Variants in DNAH7 observed in about 807,000 individuals in gnomAD.
DNAH7 encodes axonemal beta dynein heavy chain 7.
DNAH7 carries 397 observed loss-of-function variants against 444.6 expected under a neutral mutation model. That is an observed-to-expected ratio of 0.89 (90% CI 0.82 to 0.97). The LOEUF (loss-of-function observed/expected upper bound fraction) is 0.97. Ranked by LOEUF, DNAH7 falls within the 50% of genes least tolerant of loss-of-function variation. DNAH7 has a pLI of 0.00. For synonymous variants in DNAH7, 1,636 were observed against 1,624.4 expected, an observed-to-expected ratio of 1.01 and a Z score of -0.17; for missense variants, 4,902 against 4,800.8, an observed-to-expected ratio of 1.02 and a Z score of -0.62.
intron 61 of DNAH7, among the ~76,000 whole-genome samples, chr2:195,770,876 T>C (rs1227555215): frequency 6.6e-6 from 1 of 151,908 alleles, no homozygotes; most frequent in East Asian, 1.9e-4. Flanking sequence ...ATTTTTTTTT[T>C]TTTTTTCAGA....
At position 195,960,477 on chromosome 2, in the gene DNAH7, T is replaced by C; in HGVS notation, c.2674A>G (p.Ser892Gly). The change falls in exon 18 of 65, where the codon AGT (serine) becomes GGT (glycine). Residue 892 changes from serine to glycine, a missense_variant. By Grantham distance (56) the Ser-to-Gly change is moderately conservative. Transcript: ENST00000312428. ...EPYIDRFEGI[S>G]EAASKEYSLE... ...GAATATTCTTTGCTAGCTGCTTCAC[T>C]AATACCTTCAAATCGGTCTATATAT... 1 of 1,614,204 alleles carries C rather than the reference T, an allele frequency of 6.2e-7. No individual in the cohort carries two copies. The highest frequency in any genetic ancestry group is 8.5e-7 in the Non-Finnish European group (1 of 1,180,024).
At chr2:195,963,850 A>G (rs1224901755) in intron 17 of DNAH7, among the ~76,000 whole-genome samples, 7 of 152,102 alleles carry the variant, frequency 4.6e-5, no homozygotes, top group Non-Finnish European at 1.0e-4. Context: ...TCCCAGTACT[A>G]TTTGTTGAAG....
intron 54 of DNAH7, among the ~76,000 whole-genome samples, chr2:195,801,400 A>G (rs1159227837): frequency 2.0e-5 from 3 of 152,196 alleles, no homozygotes; most frequent in East Asian, 3.8e-4. Flanking sequence ...TATTGTGAAC[A>G]CTACCTTACA....
At position 195,882,144 on chromosome 2, in the gene DNAH7, G is replaced by A. The variant is rs1701421800; in HGVS notation, c.5764-152C>T. The A allele has an allele frequency of 6.5e-6, 4 of 618,168 alleles. No homozygotes were observed. The South Asian group carries it at 9.2e-5, about 14-fold the overall frequency. The allele number at this position is 618,168 out of a possible 1,614,324, so 38.3% of individuals were successfully genotyped here. The stretch of plus-strand genomic sequence containing the variant: ...AAGACACTTTACACTCAGTTTGAAG[G>A]TTAAATTGTACATGTAAATTAAGGA... On this transcript the variant is annotated intron_variant, in intron 35 of 64. Transcript: ENST00000312428.
chr2:196,066,090 C>T (rs1568367), intron 1 of DNAH7, among the ~76,000 whole-genome samples: 144,365 of 152,292 alleles, frequency 0.95, 68,906 homozygotes, highest in East Asian at 1. Flanking sequence ...CCTTAAATAG[C>T]CTGGCTTTGC....
chr2:195,911,968 ACT>A (rs1464180691), intron 24 of DNAH7, among the ~76,000 whole-genome samples: 9 of 152,092 alleles, frequency 5.9e-5, no homozygotes, highest in Admixed American at 5.2e-4. Flanking sequence ...AATATGTAAC[ACT>A]CTATTTAATA....
chr2:195,778,460 A>C (rs892491785), intron 58 of DNAH7, among the ~76,000 whole-genome samples: 2 of 148,296 alleles, frequency 1.3e-5, no homozygotes, highest in African/African-American at 5.0e-5. Flanking sequence ...CAACATGGGG[A>C]GACCCTGTCC....
intron 7 of DNAH7, among the ~76,000 whole-genome samples, chr2:196,025,796 A>T (rs531955903): frequency 6.6e-6 from 1 of 152,310 alleles, no homozygotes; most frequent in Admixed American, 6.5e-5. Flanking sequence ...AGGATACTCC[A>T]TAGAAGTCAT....
intron 12 of DNAH7, chr2:195,999,291 C>T (rs2125680330): frequency 2.8e-6 from 2 of 702,726 alleles, no homozygotes; most frequent in Middle Eastern, 2.4e-4. Flanking sequence ...TTTGTAACCA[C>T]AAGTCTATTT....
chr2:196,024,577 C>A, intron 7 of DNAH7, 73 bp from the exon 8 acceptor site: 1 of 774,134 alleles, frequency 1.3e-6, no homozygotes, highest in Non-Finnish European at 2.0e-6. Flanking sequence ...AATTGCAAAG[C>A]TAGTTCTACT....
intron 63 of DNAH7, among the ~76,000 whole-genome samples, chr2:195,753,924 CCTT>C (rs1198359776): frequency 2.0e-5 from 3 of 152,118 alleles, no homozygotes; most frequent in East Asian, 1.9e-4. Context: ...CCAGGAAAAA[CCTT>C]CTTTTCAATG....
In DNAH7 at chr2:195,771,735, G is replaced by T; in HGVS notation, c.11358C>A (p.Val3786=). The part of the protein sequence containing the change: ...TYTQSMNTVL[V]QEMGRFNKLL... ...ACTTATTGAACCGTCCCATCTCTTG[G>T]ACAAGTACAGTGTTCATGCTCTGAG... Residue 3786 remains valine (V), a synonymous_variant, in exon 61 of 65, where the codon GTC becomes GTA. Coordinates refer to ENST00000312428, the MANE Select transcript of DNAH7 (RefSeq NM_018897.3). 1.2e-6 allele frequency: 2 copies of T among 1,614,048 alleles called. No individual in the cohort carries two copies. Among genetic ancestry groups the T allele is most frequent in the Non-Finnish European group, 1.7e-6 (2 of 1,180,010 alleles).
intron 19 of DNAH7, among the ~76,000 whole-genome samples, chr2:195,943,401 T>G (rs920057699): frequency 2.6e-5 from 4 of 152,180 alleles, no homozygotes; most frequent in African/African-American, 9.6e-5. Flanking sequence ...GTGTGGAAAC[T>G]GTGATAATGA....
At chr2:195,745,587 C>T (rs914881975) in intron 63 of DNAH7, among the ~76,000 whole-genome samples, 1 of 151,982 alleles carries the variant, frequency 6.6e-6, no homozygotes, top group Non-Finnish European at 1.5e-5. Context: ...AGGAAAAAAT[C>T]TTAAGGGCAG....
intron 19 of DNAH7, 124 bp from the exon 20 acceptor site, chr2:195,936,916 T>C (rs1407228846): frequency 2.4e-6 from 2 of 832,718 alleles, no homozygotes; most frequent in Admixed American, 3.7e-5. Context: ...TTAAGGGGAG[T>C]ATTTGTTTTT....
At chr2:195,935,539 A>G (rs1290418720) in intron 20 of DNAH7, among the ~76,000 whole-genome samples, 1 of 152,222 alleles carries the variant, frequency 6.6e-6, no homozygotes, top group Non-Finnish European at 1.5e-5. Context: ...TTGGGGAATC[A>G]GCAGTGGGAA....
intron 61 of DNAH7, among the ~76,000 whole-genome samples, chr2:195,761,912 T>C (rs764431050): frequency 6.6e-6 from 1 of 152,156 alleles, no homozygotes; most frequent in African/African-American, 2.4e-5. Flanking sequence ...CTCAGGGTAA[T>C]ACTAAGTTCA....
intron 49 of DNAH7, among the ~76,000 whole-genome samples, chr2:195,819,295 T>C (rs1697357406): frequency 6.6e-6 from 1 of 152,218 alleles, no homozygotes; most frequent in Non-Finnish European, 1.5e-5. Context: ...CATGGGCATA[T>C]ATACCTCTCT....
At chr2:195,980,703 C>A (rs777322715) in intron 15 of DNAH7, among the ~76,000 whole-genome samples, 2 of 152,080 alleles carry the variant, frequency 1.3e-5, no homozygotes, top group African/African-American at 4.8e-5. Flanking sequence ...GATGATCCAA[C>A]ATATGCAAAT....
Sources: gnomAD v4.1 joint callset for allele counts (sites outside exome capture counted in the v4.1 genomes callset) on GRCh38, gnomAD v4.1.1 for gene constraint, MANE v1.5 for transcripts, NCBI Gene and HGNC (gene_info 2026-07-23, HGNC 2026-07-21) for gene names.